The following TRHDE variants were observed in gnomAD, a reference collection of about 807,000 sequenced individuals.
TRHDE encodes the protein thyrotropin-releasing hormone-degrading ectoenzyme.
A neutral mutation model predicts 125.7 loss-of-function variants in TRHDE; 72 were observed. That is an observed-to-expected ratio of 0.57 (90% CI 0.47 to 0.70). The LOEUF (loss-of-function observed/expected upper bound fraction) is 0.70, where lower values mean the gene tolerates loss of function less well. Among genes scored for constraint, TRHDE ranks in the 30% least tolerant of loss-of-function variants. TRHDE has a pLI of 0.00. For synonymous variants in TRHDE, 509 were observed against 509.1 expected, an observed-to-expected ratio of 1.00 and a Z score of 0.00; for missense variants, 1,110 against 1,327.1, an observed-to-expected ratio of 0.84 and a Z score of 2.54.
intron 15 of TRHDE, among the ~76,000 whole-genome samples, chr12:72,624,401 C>T (rs942526084): frequency 6.6e-6 from 1 of 151,754 alleles, no homozygotes; most frequent in Non-Finnish European, 1.5e-5. Context: ...TATGAAATGT[C>T]TTGGGAAATA....
intron 2 of TRHDE, among the ~76,000 whole-genome samples, chr12:72,365,919 G>T (rs1389215754): frequency 1.3e-5 from 2 of 152,080 alleles, no homozygotes; most frequent in African/African-American, 4.8e-5. Flanking sequence ...GGATGATCTG[G>T]TTCCCTGCCT....
At chr12:72,332,614 C>T (rs932261887) in intron 2 of TRHDE, among the ~76,000 whole-genome samples, 2 of 152,168 alleles carry the variant, frequency 1.3e-5, no homozygotes, top group African/African-American at 4.8e-5. Flanking sequence ...AACATCCAAA[C>T]CATATCACTT....
intron 9 of TRHDE, among the ~76,000 whole-genome samples, chr12:72,563,329 T>C (rs1565791500): frequency 6.6e-6 from 1 of 152,196 alleles, no homozygotes; most frequent in Non-Finnish European, 1.5e-5. Flanking sequence ...CCATGAATGT[T>C]TCTTGAATTA....
intron 12 of TRHDE, among the ~76,000 whole-genome samples, chr12:72,605,702 T>A (rs1488098686): frequency 6.6e-6 from 1 of 152,158 alleles, no homozygotes; most frequent in Non-Finnish European, 1.5e-5. Context: ...AGAATTAGAT[T>A]AGATATTTCA....
intron 2 of TRHDE, among the ~76,000 whole-genome samples, chr12:72,366,177 C>A (rs1370714140): frequency 6.6e-6 from 1 of 152,052 alleles, no homozygotes; most frequent in Admixed American, 6.6e-5. Context: ...ATCACACCTG[C>A]AAAGTTCTTT....
chr12:72,656,324 G>A (rs908327956), intron 17 of TRHDE, among the ~76,000 whole-genome samples: 6 of 152,024 alleles, frequency 3.9e-5, no homozygotes, highest in African/African-American at 1.4e-4. Flanking sequence ...TTTTGAGAAT[G>A]CATTTTGCCT....
rs573124865 is a variant in TRHDE at position 72,096,198 on chromosome 12, TCTGA to T, written n.174+8762_174+8765del. On this transcript the variant is annotated intron_variant and non_coding_transcript_variant, in intron 1 of 4. Transcript: ENST00000548156. ...TATTGGTTGTATTTCTCTGGAGCAC[TCTGA>T]CTAATATACTTAGTGGAATATTTGT... Among the ~76,000 whole-genome samples the T allele has an allele frequency of 2.0e-5, 3 of 151,828 alleles. No individual in the cohort carries two copies. The South Asian group carries it at 6.2e-4, about 32-fold the overall frequency.
intron 7 of TRHDE, among the ~76,000 whole-genome samples, chr12:72,544,866 A>G (rs1312200451): frequency 6.6e-6 from 1 of 151,512 alleles, no homozygotes; most frequent in African/African-American, 2.4e-5. Flanking sequence ...ATCGGTGTAG[A>G]TTCAACTACA....
chr12:72,226,579 A>G (rs1341546564), intron 2 of TRHDE, among the ~76,000 whole-genome samples: 1 of 152,220 alleles, frequency 6.6e-6, no homozygotes, highest in Non-Finnish European at 1.5e-5. Flanking sequence ...TTTAGCTTAT[A>G]TAAAATAAGC....
intron 3 of TRHDE, among the ~76,000 whole-genome samples, chr12:72,452,242 A>T (rs1170134632): frequency 1.3e-5 from 2 of 151,882 alleles, no homozygotes; most frequent in Non-Finnish European, 2.9e-5. Flanking sequence ...TTCTTTTGAT[A>T]GTTTCTTGTT....
chr12:72,536,922 T>G (rs1295820326), intron 6 of TRHDE, among the ~76,000 whole-genome samples: 1 of 152,082 alleles, frequency 6.6e-6, no homozygotes, highest in African/African-American at 2.4e-5. Context: ...TCTCAGTAAC[T>G]CTAAGAATTT....
intron 3 of TRHDE, among the ~76,000 whole-genome samples, chr12:72,431,300 T>C (rs2135842344): frequency 6.6e-6 from 1 of 152,276 alleles, no homozygotes; most frequent in African/African-American, 2.4e-5. Flanking sequence ...TTTTACTGTA[T>C]GATAAAAAAT....
intron 2 of TRHDE, among the ~76,000 whole-genome samples, chr12:72,139,312 A>AT (rs1269904008): frequency 6.6e-6 from 1 of 152,120 alleles, no homozygotes; most frequent in African/African-American, 2.4e-5. Context: ...AAATTTAACA[A>AT]TTTTTTTCAG....
intron 2 of TRHDE, among the ~76,000 whole-genome samples, chr12:72,266,311 A>C (rs1420905680): frequency 6.6e-6 from 1 of 151,932 alleles, no homozygotes; most frequent in African/African-American, 2.4e-5. Context: ...CAAATTATGT[A>C]AATTTGCGCT....
At chr12:72,089,568 A>G (rs1390679639) in intron 1 of TRHDE, among the ~76,000 whole-genome samples, 1 of 151,980 alleles carries the variant, frequency 6.6e-6, no homozygotes, top group African/African-American at 2.4e-5. Flanking sequence ...TCCTTCATGT[A>G]TTTTCTTATT....
intron 2 of TRHDE, among the ~76,000 whole-genome samples, chr12:72,245,268 T>C (rs1328661483): frequency 1.3e-5 from 2 of 151,792 alleles, no homozygotes; most frequent in African/African-American, 4.8e-5. Flanking sequence ...TGTGTGTGTG[T>C]GTAGAGGGAG....
chr12:72,278,903 CTTTACTG>C lies in TRHDE; in HGVS notation c.914+5351_914+5357del, dbSNP rs373358677. 1.3e-3 allele frequency among the ~76,000 whole-genome samples: 202 copies of C among 152,288 alleles called. 1 individual carries two copies. Among genetic ancestry groups the C allele is most frequent in the East Asian group, 8.5e-3 (44 of 5,188 alleles). ...TCCCATTCTATAGGTTGTCTTTTTACTTTACTGTTTATTGTCTTTGCTGTGCAGAAAC... is the reference window on the plus strand; with the variant it reads ...TCCCATTCTATAGGTTGTCTTTTTACTTTATTGTCTTTGCTGTGCAGAAAC... On this transcript the variant is annotated intron_variant, in intron 1 of 18. Coordinates refer to ENST00000261180, the MANE Select transcript of TRHDE (RefSeq NM_013381.3).
chr12:72,099,579 G>T, intron 1 of TRHDE, among the ~76,000 whole-genome samples: 1 of 152,114 alleles, frequency 6.6e-6, no homozygotes, highest in East Asian at 1.9e-4. Flanking sequence ...AAGAAAATCC[G>T]ATGAATGCCA....
chr12:72,602,593 G>C (rs1265238846), intron 12 of TRHDE, among the ~76,000 whole-genome samples: 3 of 152,130 alleles, frequency 2.0e-5, no homozygotes, highest in Non-Finnish European at 2.9e-5. Flanking sequence ...TGGTGGGCTG[G>C]AGAAGAAATA....
Sources: allele counts gnomAD v4.1 joint callset (sites outside exome capture counted in the v4.1 genomes callset), GRCh38; gene constraint gnomAD v4.1.1; transcripts MANE v1.5; gene names NCBI Gene and HGNC (gene_info 2026-07-23, HGNC 2026-07-21).